FBXL7: variants seen among roughly 807,000 people sequenced by gnomAD.
FBXL7 encodes F-box/LRR-repeat protein 7.
FBXL7 carries 12 observed loss-of-function variants against 38.3 expected under a neutral mutation model. The observed-to-expected ratio is 0.31, with a 90% CI of 0.20 to 0.51. The LOEUF is 0.51. FBXL7 is among the 20% of genes least tolerant of loss of function. The pLI is 0.98. For synonymous variants in FBXL7, 297 were observed against 300.9 expected, an observed-to-expected ratio of 0.99 and a Z score of 0.13; for missense variants, 567 against 676.4, an observed-to-expected ratio of 0.84 and a Z score of 1.79.
At chr5:15,885,055 C>G (rs1037054211) in intron 2 of FBXL7, among the ~76,000 whole-genome samples, 3 of 152,194 alleles carry the variant, frequency 2.0e-5, no homozygotes, top group Non-Finnish European at 2.9e-5. Context: ...CTGCTTGGCG[C>G]CAGCTGCATC....
At chr5:15,631,656 G>A (rs1423523881) in intron 2 of FBXL7, among the ~76,000 whole-genome samples, 1 of 105,712 alleles carries the variant, frequency 9.5e-6, no homozygotes, top group Non-Finnish European at 1.7e-5. Flanking sequence ...TGGGCAACAA[G>A]AGCGAGACTC....
intron 2 of FBXL7, among the ~76,000 whole-genome samples, chr5:15,665,790 A>G (rs1742254881): frequency 6.6e-6 from 1 of 152,170 alleles, no homozygotes; most frequent in African/African-American, 2.4e-5. Context: ...GTATCTGCCA[A>G]GTCATTTTTA....
intron 2 of FBXL7, among the ~76,000 whole-genome samples, chr5:15,629,942 T>C (rs1056445950): frequency 6.6e-6 from 1 of 152,202 alleles, no homozygotes; most frequent in Admixed American, 6.5e-5. Flanking sequence ...ATGTTACTGC[T>C]TATGGAAACT....
chr5:15,589,253 G>C (rs546391823), intron 1 of FBXL7, among the ~76,000 whole-genome samples: 1 of 151,964 alleles, frequency 6.6e-6, no homozygotes, highest in South Asian at 2.1e-4. Flanking sequence ...TTCTGTCCCC[G>C]CCCAAATCTC....
At chr5:15,637,983 A>G (rs1741239759) in intron 2 of FBXL7, among the ~76,000 whole-genome samples, 1 of 152,176 alleles carries the variant, frequency 6.6e-6, no homozygotes, top group Non-Finnish European at 1.5e-5. Context: ...TGACAACACA[A>G]CCTGTTAAGT....
intron 2 of FBXL7, among the ~76,000 whole-genome samples, chr5:15,880,705 T>TA (rs1740412253): frequency 8.6e-6 from 1 of 115,876 alleles, no homozygotes; most frequent in Non-Finnish European, 1.7e-5. Flanking sequence ...TTAGTATATA[T>TA]AATATATATA....
At chr5:15,786,521 G>A (rs1292602311) in intron 2 of FBXL7, among the ~76,000 whole-genome samples, 4 of 152,160 alleles carry the variant, frequency 2.6e-5, no homozygotes, top group African/African-American at 9.7e-5. Flanking sequence ...TATACTTGCA[G>A]TGCCAACTGC....
chr5:15,610,322 C>T (rs1740189653), intron 1 of FBXL7, among the ~76,000 whole-genome samples: 1 of 152,120 alleles, frequency 6.6e-6, no homozygotes, highest in East Asian at 1.9e-4. Context: ...TCTCTTGCCC[C>T]TGGTCATTTC....
At chr5:15,546,890 G>T (rs144894533) in intron 1 of FBXL7, among the ~76,000 whole-genome samples, 43 of 152,328 alleles carry the variant, frequency 2.8e-4, no homozygotes, top group African/African-American at 9.4e-4. Context: ...AGGGGAGAGT[G>T]CATAGAGGCC....
rs371297655 is a variant in FBXL7, at chr5:15,806,938, T to TTTTTC, written c.128-120936_128-120932dup. Among the ~76,000 whole-genome samples, 861 of 152,122 alleles carry TTTTTC rather than the reference T, an allele frequency of 5.7e-3. 13 individuals are homozygous for TTTTTC. The highest frequency in any genetic ancestry group is 0.02 in the African/African-American group (832 of 41,446). On this transcript the variant is annotated intron_variant, in intron 2 of 3. Transcript: ENST00000504595. ...TTCTGAAATCTATGGTACAATTGCA[T>TTTTTC]TTTTCTTTTCTTTTCTTTTCCTTTT...
chr5:15,629,107 G>A (rs945876626), intron 2 of FBXL7, among the ~76,000 whole-genome samples: 5 of 148,898 alleles, frequency 3.4e-5, no homozygotes, highest in Non-Finnish European at 4.5e-5. Context: ...GTGAGACCTC[G>A]TTTCTACAAA....
At chr5:15,757,087 A>T (rs1407509907) in intron 2 of FBXL7, among the ~76,000 whole-genome samples, 1 of 152,186 alleles carries the variant, frequency 6.6e-6, no homozygotes, top group Non-Finnish European at 1.5e-5. Context: ...TGTTTCTGTG[A>T]ACCTCAAAAA....
At chr5:15,677,495 A>AAAGG (rs1250537314) in intron 2 of FBXL7, among the ~76,000 whole-genome samples, 140 of 151,972 alleles carry the variant, frequency 9.2e-4, no homozygotes, top group African/African-American at 3.1e-3. Context: ...AGAGAGAAAG[A>AAAGG]AAGGAAGGAA....
At chr5:15,877,595 A>T (rs1236104996) in intron 2 of FBXL7, among the ~76,000 whole-genome samples, 1 of 152,156 alleles carries the variant, frequency 6.6e-6, no homozygotes, top group Non-Finnish European at 1.5e-5. Flanking sequence ...TAAAATGATT[A>T]TGTGGAGCCA....
At chr5:15,546,473 A>G (rs1254129541) in intron 1 of FBXL7, among the ~76,000 whole-genome samples, 1 of 152,202 alleles carries the variant, frequency 6.6e-6, no homozygotes, top group Admixed American at 6.5e-5. Flanking sequence ...AGGCTGAGGC[A>G]GGAGAAATGC....
At chr5:15,574,671 G>A (rs1032717300) in intron 1 of FBXL7, among the ~76,000 whole-genome samples, 1 of 152,146 alleles carries the variant, frequency 6.6e-6, no homozygotes, top group Non-Finnish European at 1.5e-5. Flanking sequence ...ATGTAATGGA[G>A]AGAGTGAGAG....
intron 2 of FBXL7, among the ~76,000 whole-genome samples, chr5:15,802,607 C>G (rs769513225): frequency 5.9e-5 from 9 of 152,044 alleles, no homozygotes; most frequent in Non-Finnish European, 1.0e-4. Context: ...ACTTCCTCCA[C>G]CATCCCTGAT....
chr5:15,659,575 C>G (rs1485016739), intron 2 of FBXL7, among the ~76,000 whole-genome samples: 1 of 152,142 alleles, frequency 6.6e-6, no homozygotes, highest in Non-Finnish European at 1.5e-5. Context: ...TAAAGATACA[C>G]AAATGCATCC....
intron 2 of FBXL7, among the ~76,000 whole-genome samples, chr5:15,881,955 T>C (rs1489062648): frequency 6.6e-6 from 1 of 152,128 alleles, no homozygotes; most frequent in East Asian, 1.9e-4. Flanking sequence ...TGGGGAGGCC[T>C]CAGGAAACTT....
Sources: allele counts gnomAD v4.1 joint callset (sites outside exome capture counted in the v4.1 genomes callset), GRCh38; gene constraint gnomAD v4.1.1; transcripts MANE v1.5; gene names NCBI Gene and HGNC (gene_info 2026-07-23, HGNC 2026-07-21).